The following ZNF253 variants were observed in gnomAD, a reference collection of about 807,000 sequenced individuals.
The protein encoded by ZNF253 is DNA-binding protein.
ZNF253 carries 8 observed loss-of-function variants against 11.9 expected under a neutral mutation model. That is an observed-to-expected ratio of 0.67 (90% CI 0.40 to 1.22). The LOEUF (loss-of-function observed/expected upper bound fraction) is 1.22, where lower values mean the gene tolerates loss of function less well. Among genes scored for constraint, ZNF253 ranks in the 50% most tolerant of loss-of-function variants. The probability of loss-of-function intolerance (pLI) is 0.01; values close to 1 mark genes in which losing one functional copy is unlikely to be tolerated. For synonymous variants in ZNF253, 194 were observed against 194.9 expected (o/e 1.00, Z 0.04); for missense variants, 485 against 586.9 (o/e 0.83, Z 1.79).
chr19:19,890,496 ATTTG>A (rs746093160), intron 3 of ZNF253, among the ~76,000 whole-genome samples: 6 of 126,484 alleles, frequency 4.7e-5, no homozygotes, highest in African/African-American at 2.0e-4. Context: ...GGCAATTTAT[ATTTG>A]TGTGTGTGTG....
intron 3 of ZNF253, among the ~76,000 whole-genome samples, chr19:19,889,393 C>G (rs2063219805): frequency 6.6e-6 from 1 of 152,136 alleles, no homozygotes; most frequent in African/African-American, 2.4e-5. Flanking sequence ...GTTGCCCAGG[C>G]TAGAGTGCAG....
chr19:19,881,329 G>A (rs2063176958), intron 3 of ZNF253, among the ~76,000 whole-genome samples: 1 of 151,882 alleles, frequency 6.6e-6, no homozygotes, highest in Non-Finnish European at 1.5e-5. Context: ...CTGTAGCTGG[G>A]CGCAGTTTAA....
At chr19:19,876,567 T>G (rs2063157063) in intron 1 of ZNF253, among the ~76,000 whole-genome samples, 1 of 151,352 alleles carries the variant, frequency 6.6e-6, no homozygotes, top group African/African-American at 2.4e-5. Flanking sequence ...GGTGGACTTT[T>G]TCTGTGTTTT....
intron 1 of ZNF253, among the ~76,000 whole-genome samples, chr19:19,874,150 T>G (rs2063145353): frequency 6.6e-6 from 1 of 152,004 alleles, no homozygotes; most frequent in Non-Finnish European, 1.5e-5. Context: ...CCTCAGGTGG[T>G]CTGCCCGCCT....
intron 1 of ZNF253, among the ~76,000 whole-genome samples, chr19:19,875,152 C>T (rs2063149958): frequency 6.6e-6 from 1 of 152,226 alleles, no homozygotes; most frequent in South Asian, 2.1e-4. Flanking sequence ...CTGGTGAATC[C>T]TGCTGCCTTT....
At position 19,885,234 on chromosome 19, in the gene ZNF253, T is replaced by G. The variant is rs2063194535; in HGVS notation, c.226+5088T>G. Among the ~76,000 whole-genome samples, 4 of 59,742 alleles carry G rather than the reference T, an allele frequency of 6.7e-5. No homozygotes were observed. The Admixed American group carries it at 7.3e-4, about 11-fold the overall frequency. 39.2% of individuals were successfully genotyped at this position (59,742 alleles called of 152,430 possible). ...TTTTTGTATTCTTTCTTTCTTTCTT[T>G]CTTTCTTTCTTTCTTTCTTTCTTTC... On this transcript the variant is annotated intron_variant, in intron 3 of 3. Coordinates refer to ENST00000589717, the MANE Select transcript of ZNF253 (RefSeq NM_021047.3).
intron 3 of ZNF253, among the ~76,000 whole-genome samples, chr19:19,887,688 A>G (rs2063211721): frequency 6.6e-6 from 1 of 151,044 alleles, no homozygotes; most frequent in African/African-American, 2.4e-5. Flanking sequence ...TGAAATTTCT[A>G]CTTCTGTCTT....
chr19:19,877,322 T>C (rs2063159608), intron 1 of ZNF253, among the ~76,000 whole-genome samples: 1 of 152,220 alleles, frequency 6.6e-6, no homozygotes, highest in African/African-American at 2.4e-5. Flanking sequence ...AATTCAGATT[T>C]TATTTACTTT....
At chr19:19,888,120 A>G (rs2063213856) in intron 3 of ZNF253, among the ~76,000 whole-genome samples, 1 of 151,328 alleles carries the variant, frequency 6.6e-6, no homozygotes, top group African/African-American at 2.4e-5. Context: ...CTGGAGTGAA[A>G]TGGCACAATG....
intron 1 of ZNF253, among the ~76,000 whole-genome samples, chr19:19,873,599 A>G (rs549545322): frequency 1.3e-5 from 2 of 152,172 alleles, no homozygotes; most frequent in Non-Finnish European, 2.9e-5. Flanking sequence ...GGTTGGTACC[A>G]AGATGAGAGT....
In ZNF253 at chr19:19,866,017, C is replaced by T. The variant is rs375365254; in HGVS notation, c.3+18C>T. ...TAGAAATGGTGAGTGCCGGGTCCAA[C>T]GTCCCGAGAGAGGGGAGAGGCTGTT... On this transcript the variant is annotated intron_variant, in intron 1 of 3. Coordinates refer to ENST00000589717, the MANE Select transcript of ZNF253 (RefSeq NM_021047.3). 1.4e-5 allele frequency: 23 copies of T among 1,614,150 alleles called. No homozygotes were observed. The highest frequency in any genetic ancestry group is 1.6e-4 in the Middle Eastern group (1 of 6,062).
chr19:19,890,009 ATTT>A (rs1201350680), intron 3 of ZNF253, among the ~76,000 whole-genome samples: 2 of 152,162 alleles, frequency 1.3e-5, no homozygotes, highest in Admixed American at 6.5e-5. Flanking sequence ...AAATTTTATA[ATTT>A]TTTTGATGGG....
At chr19:19,888,061 A>G (rs896339017) in intron 3 of ZNF253, among the ~76,000 whole-genome samples, 2 of 151,668 alleles carry the variant, frequency 1.3e-5, no homozygotes, top group Non-Finnish European at 2.9e-5. Context: ...AATGTTATCT[A>G]TTTATTTATT....
At chr19:19,881,386 C>T (rs542467962) in intron 3 of ZNF253, among the ~76,000 whole-genome samples, 3 of 151,970 alleles carry the variant, frequency 2.0e-5, no homozygotes, top group South Asian at 2.1e-4. Context: ...TACTAGATCA[C>T]GCCTGTAATC....
At chr19:19,878,447 A>G (rs1222499435) in intron 1 of ZNF253, 34 bp from the exon 2 acceptor site, 1 of 1,612,362 alleles carries the variant, frequency 6.2e-7, no homozygotes, top group Middle Eastern at 1.7e-4. Flanking sequence ...CTCTCATGCC[A>G]TTTAGTAATT....
intron 3 of ZNF253, among the ~76,000 whole-genome samples, chr19:19,887,170 A>ATT (rs34122953): frequency 7.3e-5 from 11 of 150,752 alleles, no homozygotes; most frequent in African/African-American, 1.7e-4. Flanking sequence ...TGGAATATAC[A>ATT]TTTTTTTTTC....
intron 1 of ZNF253, among the ~76,000 whole-genome samples, chr19:19,870,542 T>A (rs991859519): frequency 2.0e-5 from 3 of 152,174 alleles, no homozygotes; most frequent in Non-Finnish European, 4.4e-5. Flanking sequence ...TCAATAGGAA[T>A]AATTATGAGT....
intron 3 of ZNF253, among the ~76,000 whole-genome samples, chr19:19,890,453 T>C (rs2063223707): frequency 6.6e-6 from 1 of 151,966 alleles, no homozygotes. Context: ...TGTGCCAATA[T>C]TTTTCTTATT....
In ZNF253 at chr19:19,883,949, C is replaced by T. The variant is rs183176147; in HGVS notation, c.226+3803C>T. Among the ~76,000 whole-genome samples, 264 of 150,994 alleles carry T rather than the reference C, an allele frequency of 1.7e-3. 2 individuals carry two copies. Among genetic ancestry groups the T allele is most frequent in the African/African-American group, 6.2e-3 (255 of 41,122 alleles). ...GCGCATGCCTATAATCCCAGCTCCTCGGGAGGCTGAGATAGGAAAATCGCT... is the reference window on the plus strand; with the variant it reads ...GCGCATGCCTATAATCCCAGCTCCTTGGGAGGCTGAGATAGGAAAATCGCT... On this transcript the variant is annotated intron_variant, in intron 3 of 3. Transcript: ENST00000589717.
Sources: gnomAD v4.1 joint callset for allele counts (sites outside exome capture counted in the v4.1 genomes callset) on GRCh38, gnomAD v4.1.1 for gene constraint, MANE v1.5 for transcripts, NCBI Gene and HGNC (gene_info 2026-07-23, HGNC 2026-07-21) for gene names.